Variants in SPECC1 observed in about 807,000 individuals in gnomAD.
The protein encoded by SPECC1 is cytospin-B.
A neutral mutation model predicts 104.1 loss-of-function variants in SPECC1; 62 were observed. That is an observed-to-expected ratio of 0.60 (90% CI 0.49 to 0.74). SPECC1 has a LOEUF of 0.74. Ranked by LOEUF, SPECC1 falls within the 30% of genes least tolerant of loss-of-function variation. The probability of loss-of-function intolerance (pLI) is 0.00; values close to 1 mark genes in which losing one functional copy is unlikely to be tolerated. For synonymous variants in SPECC1, 513 were observed against 501.6 expected (o/e 1.02, Z -0.30); for missense variants, 1,306 against 1,310.5 (o/e 1.00, Z 0.05).
chr17:20,129,259 A>G (rs376687818), intron 3 of SPECC1, among the ~76,000 whole-genome samples: 4 of 150,100 alleles, frequency 2.7e-5, no homozygotes, highest in African/African-American at 9.8e-5. Flanking sequence ...ATCTCGGCTC[A>G]CTGCAAGCTC....
At chr17:20,143,557 G>C (rs2031099173) in intron 3 of SPECC1, among the ~76,000 whole-genome samples, 1 of 152,062 alleles carries the variant, frequency 6.6e-6, no homozygotes, top group Non-Finnish European at 1.5e-5. Flanking sequence ...GGTGGCACGT[G>C]CCTGTAATCC....
intron 3 of SPECC1, among the ~76,000 whole-genome samples, chr17:20,198,806 G>A (rs1246765662): frequency 3.9e-5 from 6 of 152,178 alleles, no homozygotes; most frequent in African/African-American, 1.4e-4. Flanking sequence ...CTGGTTTCCT[G>A]TAATAGAGCC....
At chr17:20,027,221 T>G (rs1331881751) in intron 1 of SPECC1, among the ~76,000 whole-genome samples, 1 of 152,218 alleles carries the variant, frequency 6.6e-6, no homozygotes, top group Non-Finnish European at 1.5e-5. Flanking sequence ...GACATTTGTA[T>G]GTCTTCCTTT....
chr17:20,263,387 G>A (rs1368854738), intron 12 of SPECC1, among the ~76,000 whole-genome samples: 4 of 145,220 alleles, frequency 2.8e-5, no homozygotes, highest in Admixed American at 2.7e-4. Context: ...GGGGAGGGGG[G>A]AAGGATAGCA....
At chr17:20,276,227 T>C (rs1005777626) in intron 12 of SPECC1, among the ~76,000 whole-genome samples, 2 of 152,102 alleles carry the variant, frequency 1.3e-5, no homozygotes, top group Non-Finnish European at 2.9e-5. Context: ...AGCAATCCTC[T>C]TTTCTTAGCC....
chr17:20,244,372 G>A (rs2039332691), intron 7 of SPECC1, among the ~76,000 whole-genome samples: 1 of 152,170 alleles, frequency 6.6e-6, no homozygotes, highest in Admixed American at 6.5e-5. Flanking sequence ...TATTGTATGG[G>A]AAAGTATGAA....
chr17:20,042,077 C>T (rs1024524409), intron 1 of SPECC1, among the ~76,000 whole-genome samples: 5 of 152,196 alleles, frequency 3.3e-5, no homozygotes, highest in Admixed American at 1.3e-4. Flanking sequence ...AAAACTTCAA[C>T]GATTTGGGTA....
intron 14 of SPECC1, 123 bp downstream of exon 14, chr17:20,306,205 T>C: frequency 1.3e-6 from 1 of 792,046 alleles, no homozygotes; most frequent in Non-Finnish European, 2.1e-6. Flanking sequence ...TTGCTCTCAA[T>C]ACCTAATATA....
intron 1 of SPECC1, among the ~76,000 whole-genome samples, chr17:20,066,058 C>T (rs988461262): frequency 2.6e-5 from 4 of 152,164 alleles, no homozygotes; most frequent in Non-Finnish European, 5.9e-5. Flanking sequence ...ATCAGATAAA[C>T]AATTTCTATC....
chr17:20,037,801 A>G (rs1192216569), intron 1 of SPECC1, among the ~76,000 whole-genome samples: 1 of 152,174 alleles, frequency 6.6e-6, no homozygotes, highest in African/African-American at 2.4e-5. Flanking sequence ...TTTTCACAGT[A>G]CATACATCTC....
chr17:20,022,965 T>C (rs2044453658), intron 1 of SPECC1, among the ~76,000 whole-genome samples: 1 of 152,232 alleles, frequency 6.6e-6, no homozygotes, highest in South Asian at 2.1e-4. Flanking sequence ...CTTTCAGCAG[T>C]AATGATTCAT....
intron 1 of SPECC1, among the ~76,000 whole-genome samples, chr17:20,053,119 T>C (rs556410041): frequency 6.6e-6 from 1 of 152,162 alleles, no homozygotes; most frequent in African/African-American, 2.4e-5. Context: ...TCCCTCTACC[T>C]CAAAACATGC....
intron 3 of SPECC1, among the ~76,000 whole-genome samples, chr17:20,115,636 A>G (rs2048718909): frequency 6.6e-6 from 1 of 152,208 alleles, no homozygotes; most frequent in Non-Finnish European, 1.5e-5. Context: ...AATATAATCT[A>G]TCATACCATA....
intron 1 of SPECC1, among the ~76,000 whole-genome samples, chr17:20,077,895 A>G (rs112099824): frequency 0.025 from 3,844 of 152,156 alleles, 172 homozygotes; most frequent in African/African-American, 0.086. Context: ...CCTCAGTCTT[A>G]TTATCTGTAA....
chr17:20,286,132 C>T (rs1434256798), intron 12 of SPECC1, among the ~76,000 whole-genome samples: 1 of 152,138 alleles, frequency 6.6e-6, no homozygotes, highest in East Asian at 1.9e-4. Flanking sequence ...GTATAACATA[C>T]ACATGTGCAT....
At chr17:20,079,117 A>G (rs2046872556) in intron 1 of SPECC1, among the ~76,000 whole-genome samples, 1 of 152,168 alleles carries the variant, frequency 6.6e-6, no homozygotes, top group African/African-American at 2.4e-5. Flanking sequence ...AAAGGAAGCA[A>G]CCCAAGAGGC....
intron 3 of SPECC1, among the ~76,000 whole-genome samples, chr17:20,154,988 A>G (rs988794731): frequency 6.6e-6 from 1 of 152,222 alleles, no homozygotes; most frequent in East Asian, 1.9e-4. Flanking sequence ...GGAGGTGTCA[A>G]GAGAAGGTGT....
At chr17:20,140,669 A>G (rs2030667624) in intron 3 of SPECC1, among the ~76,000 whole-genome samples, 1 of 152,246 alleles carries the variant, frequency 6.6e-6, no homozygotes, top group African/African-American at 2.4e-5. Flanking sequence ...GGAGACTACC[A>G]GCCAAAAGTG....
At chr17:20,038,193 T>C (rs1171722351) in intron 1 of SPECC1, among the ~76,000 whole-genome samples, 1 of 152,050 alleles carries the variant, frequency 6.6e-6, no homozygotes, top group Non-Finnish European at 1.5e-5. Context: ...ATTTTCTTTA[T>C]TGTGTTTCTG....
Sources: allele counts gnomAD v4.1 joint callset (sites outside exome capture counted in the v4.1 genomes callset), GRCh38; gene constraint gnomAD v4.1.1; transcripts MANE v1.5; gene names NCBI Gene and HGNC (gene_info 2026-07-23, HGNC 2026-07-21).